IGF2BP3: variants seen among roughly 807,000 people sequenced by gnomAD.
IGF2BP3 encodes the protein insulin like growth factor 2 mRNA binding protein 3, also known as insulin-like growth factor 2 mRNA-binding protein 3.
Under a neutral mutation model 73.8 loss-of-function variants are expected in IGF2BP3, and 9 were observed. The observed-to-expected ratio is 0.12, with a 90% CI of 0.07 to 0.21. The LOEUF (loss-of-function observed/expected upper bound fraction) is 0.21. Ranked by LOEUF, IGF2BP3 falls within the 10% of genes least tolerant of loss-of-function variation. The pLI is 1.00. For missense variants in IGF2BP3, 542 were observed against 714.0 expected (o/e 0.76, Z 2.75); for synonymous variants, 258 against 256.7 (o/e 1.01, Z -0.05).
intron 3 of IGF2BP3, among the ~76,000 whole-genome samples, chr7:23,385,450 G>C (rs1238440859): frequency 6.6e-6 from 1 of 152,124 alleles, no homozygotes; most frequent in Non-Finnish European, 1.5e-5. Context: ...ACATAGCCTG[G>C]ACATTAGAAT....
At chr7:23,438,224 A>C (rs1787849125) in intron 2 of IGF2BP3, among the ~76,000 whole-genome samples, 1 of 152,174 alleles carries the variant, frequency 6.6e-6, no homozygotes, top group Non-Finnish European at 1.5e-5. Flanking sequence ...GGTTCAAGTA[A>C]TTCTCCTGTC....
At chr7:23,396,898 C>T (rs914531405) in intron 3 of IGF2BP3, among the ~76,000 whole-genome samples, 7 of 152,164 alleles carry the variant, frequency 4.6e-5, no homozygotes, top group Non-Finnish European at 5.9e-5. Context: ...TTGTCTTATT[C>T]GCTGGTTCTC....
chr7:23,351,236 A>G, intron 6 of IGF2BP3, 69 bp downstream of exon 6: 1 of 1,556,264 alleles, frequency 6.4e-7, no homozygotes, highest in East Asian at 2.2e-5. Flanking sequence ...AAGTACCAGA[A>G]CGACACACTG....
At chr7:23,381,393 A>G (rs867429512) in intron 3 of IGF2BP3, among the ~76,000 whole-genome samples, 3 of 152,224 alleles carry the variant, frequency 2.0e-5, no homozygotes, top group South Asian at 4.1e-4. Context: ...CCGTTTCTCA[A>G]AAAGTCACCA....
intron 3 of IGF2BP3, among the ~76,000 whole-genome samples, chr7:23,406,861 A>C (rs965260793): frequency 6.6e-6 from 1 of 152,182 alleles, no homozygotes; most frequent in Non-Finnish European, 1.5e-5. Flanking sequence ...CTAGAAACTG[A>C]GTGCTGACTG....
At chr7:23,439,957 T>C (rs1161992108) in intron 2 of IGF2BP3, among the ~76,000 whole-genome samples, 1 of 152,144 alleles carries the variant, frequency 6.6e-6, no homozygotes, top group Non-Finnish European at 1.5e-5. Context: ...AAACCTTCTA[T>C]CTCTTTTTTG....
intron 2 of IGF2BP3, among the ~76,000 whole-genome samples, chr7:23,420,712 C>A (rs1025322787): frequency 6.6e-6 from 1 of 152,060 alleles, no homozygotes; most frequent in Admixed American, 6.6e-5. Context: ...CAAAGAAAAC[C>A]TAGATTAACT....
intron 10 of IGF2BP3, among the ~76,000 whole-genome samples, chr7:23,320,635 GC>G (rs1355976856): frequency 7.4e-6 from 1 of 134,778 alleles, no homozygotes; most frequent in African/African-American, 2.8e-5. Flanking sequence ...CCAGTAATAT[GC>G]TTTTGTTTAA....
chr7:23,459,121 T>A (rs924199523), intron 2 of IGF2BP3, among the ~76,000 whole-genome samples: 2 of 152,212 alleles, frequency 1.3e-5, no homozygotes, highest in Non-Finnish European at 2.9e-5. Flanking sequence ...CTGGAAGTAG[T>A]ACTCTATTGA....
chr7:23,314,258 C>T (rs1783914719), intron 12 of IGF2BP3, among the ~76,000 whole-genome samples: 1 of 151,676 alleles, frequency 6.6e-6, no homozygotes, highest in African/African-American at 2.4e-5. Flanking sequence ...TCTTGGGTCA[C>T]TGCAACCCCC....
chr7:23,429,052 A>G (rs1361433243), intron 2 of IGF2BP3, among the ~76,000 whole-genome samples: 1 of 152,200 alleles, frequency 6.6e-6, no homozygotes, highest in Non-Finnish European at 1.5e-5. Context: ...AATCAGCCTT[A>G]TCAGCATGGA....
chr7:23,467,284 G>A (rs988149882), intron 2 of IGF2BP3, among the ~76,000 whole-genome samples: 1 of 152,226 alleles, frequency 6.6e-6, no homozygotes, highest in Non-Finnish European at 1.5e-5. Context: ...CAGATGAGAT[G>A]TTTTGTAGCC....
intron 2 of IGF2BP3, among the ~76,000 whole-genome samples, chr7:23,466,405 C>T (rs1459916375): frequency 6.6e-6 from 1 of 152,208 alleles, no homozygotes; most frequent in African/African-American, 2.4e-5. Flanking sequence ...ATGTTCTCAT[C>T]CCTGTTTACT....
intron 7 of IGF2BP3, among the ~76,000 whole-genome samples, chr7:23,346,815 T>G (rs371453721): frequency 1.3e-5 from 2 of 151,994 alleles, no homozygotes; most frequent in Admixed American, 1.3e-4. Context: ...ATGGTCTTGA[T>G]CTCTTGACCT....
intron 2 of IGF2BP3, among the ~76,000 whole-genome samples, chr7:23,464,484 CA>C (rs1788518528): frequency 6.6e-6 from 1 of 151,912 alleles, no homozygotes; most frequent in African/African-American, 2.4e-5. Flanking sequence ...AAACAAAAAA[CA>C]ACGTTTGAGC....
At chr7:23,383,436 C>T (rs990860052) in intron 3 of IGF2BP3, among the ~76,000 whole-genome samples, 2 of 152,146 alleles carry the variant, frequency 1.3e-5, no homozygotes, top group Admixed American at 6.5e-5. Flanking sequence ...CAAGAGGATA[C>T]CACTTTACAC....
At position 23,311,949 on chromosome 7, in the gene IGF2BP3, T is replaced by G. The variant is rs1783842463; in HGVS notation, c.*413A>C. Reference sequence around the variant, plus strand: ...ATTTAAGTTCCTGTGATAATTATTCTGATCCAATTTTAACAATTGGATTTA... The same window carrying G: ...ATTTAAGTTCCTGTGATAATTATTCGGATCCAATTTTAACAATTGGATTTA... On this transcript the variant is annotated 3_prime_UTR_variant, in exon 15 of 15. Coordinates refer to ENST00000258729, the MANE Select transcript of IGF2BP3 (RefSeq NM_006547.3). 6.2e-6 allele frequency: 1 copy of G among 161,550 alleles called. No homozygotes were observed. The highest frequency in any genetic ancestry group is 1.3e-5 in the Non-Finnish European group (1 of 74,082). The allele number at this position is 161,550 out of a possible 1,614,324, so 10.0% of individuals were successfully genotyped here.
intron 3 of IGF2BP3, among the ~76,000 whole-genome samples, chr7:23,403,071 A>T (rs1786716258): frequency 6.6e-6 from 1 of 152,224 alleles, no homozygotes; most frequent in Non-Finnish European, 1.5e-5. Context: ...TGATATTCAG[A>T]TACAGGGGAA....
intron 3 of IGF2BP3, among the ~76,000 whole-genome samples, chr7:23,387,705 C>G (rs931405841): frequency 3.3e-5 from 5 of 152,012 alleles, no homozygotes; most frequent in Non-Finnish European, 7.4e-5. Flanking sequence ...GCTACAATAC[C>G]CATGAACACT....
Sources: allele counts gnomAD v4.1 joint callset (sites outside exome capture counted in the v4.1 genomes callset), GRCh38; gene constraint gnomAD v4.1.1; transcripts MANE v1.5; gene names NCBI Gene and HGNC (gene_info 2026-07-23, HGNC 2026-07-21).